The following MGLL variants were observed in gnomAD, a reference collection of about 807,000 sequenced individuals.
MGLL encodes lysophospholipase homolog.
In MGLL, 7 loss-of-function variants were observed where a neutral mutation model predicts 29.1. The ratio of observed to expected loss-of-function variants is 0.24; its 90% confidence interval spans 0.14 to 0.45. The LOEUF (loss-of-function observed/expected upper bound fraction) is 0.45. MGLL is among the 20% of genes least tolerant of loss of function. The pLI, the probability that MGLL is intolerant of heterozygous loss-of-function variation, is 0.99. For synonymous variants in MGLL, 148 were observed against 168.3 expected (o/e 0.88, Z 0.93); for missense variants, 356 against 413.6 (o/e 0.86, Z 1.21).
chr3:127,690,725 C>G lies in MGLL; in HGVS notation c.*1473G>C, dbSNP rs2075227119. Reference sequence around the variant, plus strand: ...TGCACTAAGGAGCCTCCTGAGGTAACAGCAAGTCCCATTTAGAAGGGGAAA... The same window carrying G: ...TGCACTAAGGAGCCTCCTGAGGTAAGAGCAAGTCCCATTTAGAAGGGGAAA... On this transcript the variant is annotated 3_prime_UTR_variant, in exon 8 of 8. Coordinates refer to ENST00000265052, the MANE Select transcript of MGLL (RefSeq NM_007283.7). 6.5e-6 allele frequency: 1 copy of G among 152,762 alleles called. No individual in the cohort carries two copies. Among genetic ancestry groups the G allele is most frequent in the Non-Finnish European group, 1.5e-5 (1 of 68,098 alleles). 9.5% of individuals were successfully genotyped at this position (152,762 alleles called of 1,614,324 possible). A position where few individuals can be genotyped will look rare whatever the true frequency, so the allele number is the denominator to read the frequency against.
At chr3:127,704,989 A>G (rs917880014) in intron 6 of MGLL, among the ~76,000 whole-genome samples, 58 of 152,372 alleles carry the variant, frequency 3.8e-4, no homozygotes, top group African/African-American at 1.3e-3. Context: ...CATCAATGAT[A>G]GACTGGATAA....
In MGLL at chr3:127,690,642, C is replaced by T. The variant is rs1021599863; in HGVS notation, c.*1556G>A. The T allele has an allele frequency of 2.6e-5, 4 of 152,720 alleles. No homozygotes were observed. The highest frequency in any genetic ancestry group is 9.6e-5 in the African/African-American group (4 of 41,470). 9.5% of individuals were successfully genotyped at this position (152,720 alleles called of 1,614,324 possible). ...CCTCTCCTCTGTGGCCCCAGAACCC[C>T]TACATTGCACCTTCTGCAGGGCTTC... is the stretch of plus-strand genomic sequence containing the variant. On this transcript the variant is annotated 3_prime_UTR_variant, in exon 8 of 8. Coordinates refer to ENST00000265052, the MANE Select transcript of MGLL (RefSeq NM_007283.7).
At chr3:127,791,837 G>A (rs754729311) in intron 2 of MGLL, among the ~76,000 whole-genome samples, 10 of 152,086 alleles carry the variant, frequency 6.6e-5, no homozygotes, top group East Asian at 5.8e-4. Flanking sequence ...TTGGGAGGCC[G>A]AGGTAGGGGG....
intron 3 of MGLL, among the ~76,000 whole-genome samples, chr3:127,752,227 G>A (rs907414755): frequency 2.6e-5 from 4 of 152,020 alleles, no homozygotes; most frequent in African/African-American, 7.3e-5. Context: ...CTCCCAAGTA[G>A]CTGGGATTGC....
At position 127,822,272 on chromosome 3, in the gene MGLL, T is replaced by C. The variant is rs943625034; in HGVS notation, c.10+37A>G. 3 of 1,596,596 alleles carry C rather than the reference T, an allele frequency of 1.9e-6. No homozygotes were observed. The Admixed American group carries it at 5.0e-5, about 27-fold the overall frequency. ...AATGAGGTGGATGATACTCAGATTA[T>C]TCCTCCCATCTGAAATTCCAAGGAT... On this transcript the variant is annotated intron_variant, in intron 1 of 7. Coordinates refer to ENST00000265052, the MANE Select transcript of MGLL (RefSeq NM_007283.7).
intron 5 of MGLL, among the ~76,000 whole-genome samples, chr3:127,718,937 G>A (rs1236603261): frequency 6.6e-6 from 1 of 152,202 alleles, no homozygotes; most frequent in Non-Finnish European, 1.5e-5. Context: ...CCAGGGGCAG[G>A]GTGGACGAAT....
intron 3 of MGLL, among the ~76,000 whole-genome samples, chr3:127,750,148 T>C (rs1344702685): frequency 1.3e-5 from 2 of 152,124 alleles, no homozygotes; most frequent in Admixed American, 1.3e-4. Flanking sequence ...GTGTGGGGAC[T>C]AGACTGCGGG....
chr3:127,745,686 GAAT>G (rs1406458687), intron 3 of MGLL, among the ~76,000 whole-genome samples: 1 of 152,114 alleles, frequency 6.6e-6, no homozygotes, highest in Non-Finnish European at 1.5e-5. Context: ...ACATTTATAT[GAAT>G]AATAATAATA....
intron 2 of MGLL, among the ~76,000 whole-genome samples, chr3:127,803,349 A>G (rs1306284588): frequency 6.6e-6 from 1 of 152,024 alleles, no homozygotes; most frequent in Non-Finnish European, 1.5e-5. Flanking sequence ...GTGGGCACCC[A>G]CCTCCAGGCC....
chr3:127,786,688 C>T (rs1053890655), intron 2 of MGLL, among the ~76,000 whole-genome samples: 1 of 152,260 alleles, frequency 6.6e-6, no homozygotes, highest in East Asian at 1.9e-4. Flanking sequence ...GTTTATTAAT[C>T]AGGTGACCTA....
intron 3 of MGLL, among the ~76,000 whole-genome samples, chr3:127,759,048 G>GGCT: frequency 6.6e-6 from 1 of 151,404 alleles, no homozygotes; most frequent in Admixed American, 6.6e-5. Context: ...TCAGCGTCCT[G>GGCT]AGTAGCTAGC....
At chr3:127,813,831 A>C (rs1269915236) in intron 2 of MGLL, among the ~76,000 whole-genome samples, 3 of 152,064 alleles carry the variant, frequency 2.0e-5, no homozygotes, top group South Asian at 4.2e-4. Context: ...TCTAACCCCC[A>C]AAAACTATCC....
At chr3:127,721,356 TC>T (rs1281536358) in intron 4 of MGLL, among the ~76,000 whole-genome samples, 193 bp from the exon 5 acceptor site, 2 of 152,210 alleles carry the variant, frequency 1.3e-5, no homozygotes, top group Non-Finnish European at 2.9e-5. Flanking sequence ...TGTTTTTTTC[TC>T]TGGGTTTTCC....
At chr3:127,707,416 G>C (rs907324414) in intron 6 of MGLL, among the ~76,000 whole-genome samples, 9 of 152,230 alleles carry the variant, frequency 5.9e-5, no homozygotes, top group African/African-American at 2.2e-4. Context: ...TCTCAGAGTA[G>C]GAAGGGATTC....
At chr3:127,744,847 T>C (rs1479240201) in intron 3 of MGLL, among the ~76,000 whole-genome samples, 1 of 152,146 alleles carries the variant, frequency 6.6e-6, no homozygotes, top group African/African-American at 2.4e-5. Context: ...AAACAATATG[T>C]CAAATTAGGT....
chr3:127,726,727 G>T (rs986498314), intron 3 of MGLL, among the ~76,000 whole-genome samples: 2 of 152,148 alleles, frequency 1.3e-5, no homozygotes, highest in African/African-American at 4.8e-5. Context: ...ACCGCGCCTG[G>T]CCTACAGGGG....
chr3:127,720,718 G>A (rs2075901420), intron 5 of MGLL, among the ~76,000 whole-genome samples: 2 of 152,250 alleles, frequency 1.3e-5, no homozygotes, highest in Non-Finnish European at 2.9e-5. Context: ...CAAATAATCA[G>A]TGAAAAACAG....
intron 3 of MGLL, among the ~76,000 whole-genome samples, chr3:127,767,517 C>T (rs1225094737): frequency 1.3e-5 from 2 of 152,194 alleles, no homozygotes; most frequent in African/African-American, 4.8e-5. Flanking sequence ...TTGTCTCATT[C>T]CTCTTTCTAT....
At chr3:127,816,452 G>T (rs1383926518) in intron 2 of MGLL, among the ~76,000 whole-genome samples, 3 of 152,204 alleles carry the variant, frequency 2.0e-5, no homozygotes, top group Non-Finnish European at 4.4e-5. Context: ...TTATGTGCAA[G>T]CAAATGGTGA....
Sources: gnomAD v4.1 joint callset for allele counts (sites outside exome capture counted in the v4.1 genomes callset) on GRCh38, gnomAD v4.1.1 for gene constraint, MANE v1.5 for transcripts, NCBI Gene and HGNC (gene_info 2026-07-23, HGNC 2026-07-21) for gene names.